The following TRPA1 variants were observed in gnomAD, a reference collection of about 807,000 sequenced individuals.
TRPA1 encodes transient receptor potential cation channel subfamily A member 1.
In TRPA1, 129 loss-of-function variants were observed where a neutral mutation model predicts 131.3. That is an observed-to-expected ratio of 0.98 (90% CI 0.85 to 1.14). The LOEUF is 1.14. Among genes scored for constraint, TRPA1 ranks in the 50% most tolerant of loss-of-function variants. TRPA1 has a pLI of 0.00. For missense variants in TRPA1, 1,304 were observed against 1,354.2 expected (o/e 0.96, Z 0.58); for synonymous variants, 441 against 451.7 (o/e 0.98, Z 0.30).
intron 17 of TRPA1, among the ~76,000 whole-genome samples, chr8:72,045,751 G>A (rs1224277104): frequency 6.6e-6 from 1 of 151,938 alleles, no homozygotes. Flanking sequence ...TTACTTGGCT[G>A]TTACTGTTTT....
At chr8:72,080,152 G>A (rs1480946849), upstream of TRPA1, among the ~76,000 whole-genome samples, 2 of 151,654 alleles carry the variant, frequency 1.3e-5, no homozygotes, top group Non-Finnish European at 3.0e-5. Flanking sequence ...TCCCACCTCA[G>A]TCACTGATTA....
At chr8:72,088,751 T>C in the TRPA1 span, among the ~76,000 whole-genome samples, 1 of 152,294 alleles carries the variant, frequency 6.6e-6, no homozygotes, top group African/African-American at 2.4e-5. Context: ...GAAATGCTGT[T>C]TTCTACTGGT....
chr8:72,041,524 C>T (rs1812250109), intron 17 of TRPA1, among the ~76,000 whole-genome samples: 1 of 151,856 alleles, frequency 6.6e-6, no homozygotes, highest in Admixed American at 6.6e-5. Flanking sequence ...TTCCTCACTA[C>T]AGTGGAATAA....
intron 1 of TRPA1, 25 bp from the exon 2 acceptor site, chr8:72,071,892 A>G: frequency 1.2e-6 from 2 of 1,609,028 alleles, no homozygotes; most frequent in East Asian, 4.5e-5. Context: ...ACACCATTAT[A>G]CCAAACAAGC....
Position 72,038,063 on chromosome 8 carries a change from G to T in TRPA1, c.2305C>A (p.Leu769Ile), listed in dbSNP as rs1295055143. 2 of 1,520,408 alleles carry T rather than the reference G, an allele frequency of 1.3e-6. No homozygotes were observed. 94.2% of individuals were successfully genotyped at this position (1,520,408 alleles called of 1,614,324 possible). Reference protein sequence around the residue: ...SEILDTTNSYLIKTCMILVFL... With the variant: ...SEILDTTNSYIIKTCMILVFL... ...ACTAAAATCATACAAGTTTTTATTA[G>T]ATATGAATTCTAAAACAAAAAAGGA... Residue 769 changes from leucine (L) to isoleucine (I), a missense_variant, in exon 20 of 27, where the codon CTA becomes ATA. Physicochemically the swap from Leu to Ile is conservative, Grantham distance 5. Coordinates refer to ENST00000262209, the MANE Select transcript of TRPA1 (RefSeq NM_007332.3).
upstream of TRPA1, among the ~76,000 whole-genome samples, chr8:72,077,268 G>A (rs551851182): frequency 7.3e-5 from 8 of 110,098 alleles, no homozygotes; most frequent in East Asian, 3.6e-4. Flanking sequence ...TGTTGGCCCC[G>A]AGAGACAGGG....
chr8:72,040,736 G>C (rs182167967), intron 17 of TRPA1, among the ~76,000 whole-genome samples: 1 of 152,186 alleles, frequency 6.6e-6, no homozygotes, highest in Admixed American at 6.6e-5. Flanking sequence ...AGAAGATAGA[G>C]TGTCAACAGA....
Position 72,065,512 on chromosome 8 carries a change from T to C in TRPA1, c.491A>G (p.Asn164Ser), listed in dbSNP as rs753235274. ...RTIDVNLEGE[N>S]GNTAVIIACT... ...CGCAATGATCACAGCTGTGTTTCCA[T>C]TTTCTCCTTCCAAATTAACATCAAT... Residue 164 changes from asparagine to serine, a missense_variant, in exon 4 of 27, where the codon AAT becomes AGT. Transcript: ENST00000262209. 1 of 1,613,538 alleles carries C rather than the reference T, an allele frequency of 6.2e-7. No homozygotes were observed. Among genetic ancestry groups the C allele is most frequent in the East Asian group, 2.2e-5 (1 of 44,786 alleles).
chr8:72,075,452 C>T lies in TRPA1; in HGVS notation c.-43G>A, dbSNP rs751805254. ...CCACCTGGTGCAGCTGCTCACCACG[C>T]GCGCGGGCACCTGGGGCGAGAGAGC... On this transcript the variant is annotated 5_prime_UTR_variant, in exon 1 of 27. Transcript: ENST00000262209. 1.3e-6 allele frequency: 2 copies of T among 1,513,940 alleles called. No individual in the cohort carries two copies. Among genetic ancestry groups the T allele is most frequent in the African/African-American group, 2.7e-5 (2 of 73,310 alleles). The allele number at this position is 1,513,940 out of a possible 1,614,324, so 93.8% of individuals were successfully genotyped here. A position where few individuals can be genotyped will look rare whatever the true frequency, so the allele number is the denominator to read the frequency against.
chr8:72,052,988 T>TGTGTGTGTGTGTGG (rs1805553166), intron 13 of TRPA1: 1 of 400,306 alleles, frequency 2.5e-6, no homozygotes, highest in African/African-American at 2.4e-5. Flanking sequence ...TGTGTGTGTG[T>TGTGTGTGTGTGTGG]GTGTGTGAGA....
At chr8:72,067,845 G>C (rs995096076) in intron 3 of TRPA1, among the ~76,000 whole-genome samples, 2 of 152,154 alleles carry the variant, frequency 1.3e-5, no homozygotes, top group Non-Finnish European at 2.9e-5. Context: ...CCATCTCATA[G>C]GTACTGAGAC....
At chr8:72,076,958 T>G (rs1251438599), upstream of TRPA1, among the ~76,000 whole-genome samples, 1 of 152,042 alleles carries the variant, frequency 6.6e-6, no homozygotes, top group Non-Finnish European at 1.5e-5. Flanking sequence ...GGTAATGCAT[T>G]TGGAGAAACC....
intron 24 of TRPA1, 199 bp downstream of exon 24, chr8:72,029,702 G>C: frequency 1.5e-6 from 1 of 664,002 alleles, no homozygotes; most frequent in Non-Finnish European, 2.8e-6. Context: ...CTGGGATGCC[G>C]GGCAGTGGCA....
At chr8:72,075,708 C>T (rs1273992566), upstream of TRPA1, 1 of 448,864 alleles carries the variant, frequency 2.2e-6, no homozygotes, top group African/African-American at 2.0e-5. Flanking sequence ...TGGACTCGCC[C>T]CTTCAGGGAC....
intron 7 of TRPA1, 92 bp from the exon 8 acceptor site, chr8:72,059,530 TTAAC>T (rs1296323105): frequency 1.6e-5 from 12 of 756,158 alleles, no homozygotes; most frequent in African/African-American, 7.2e-5. Flanking sequence ...GAAAGTGAAT[TTAAC>T]TAATCATAAA....
At chr8:72,048,208 C>T (rs568637066) in intron 15 of TRPA1, among the ~76,000 whole-genome samples, 1 of 152,060 alleles carries the variant, frequency 6.6e-6, no homozygotes, top group South Asian at 2.1e-4. Context: ...TGAGACACCT[C>T]AAATCTAGTG....
chr8:72,052,997 G>GTGTGTGTGTGTGTGTGTGTGTGTT (rs1805556699), intron 13 of TRPA1: 1 of 330,596 alleles, frequency 3.0e-6, no homozygotes. Flanking sequence ...GTGTGTGTGA[G>GTGTGTGTGTGTGTGTGTGTGTGTT]AGATAGAGAA....
intron 17 of TRPA1, among the ~76,000 whole-genome samples, chr8:72,040,004 T>C (rs1469158059): frequency 6.6e-6 from 1 of 152,140 alleles, no homozygotes; most frequent in African/African-American, 2.4e-5. Context: ...AATTGTTTGA[T>C]TCAGTCTGTT....
intron 14 of TRPA1, among the ~76,000 whole-genome samples, chr8:72,051,627 C>A (rs892712746): frequency 5.9e-5 from 9 of 152,188 alleles, no homozygotes; most frequent in Non-Finnish European, 8.8e-5. Context: ...ACTGCCCATG[C>A]TCAAAAACAC....
Sources: allele counts gnomAD v4.1 joint callset (sites outside exome capture counted in the v4.1 genomes callset), GRCh38; gene constraint gnomAD v4.1.1; transcripts MANE v1.5; gene names NCBI Gene and HGNC (gene_info 2026-07-23, HGNC 2026-07-21).